Variants in GBE1 observed in about 807,000 individuals in gnomAD.
GBE1 encodes 1,4-alpha-glucan branching enzyme 1, also known as 1,4-alpha-glucan-branching enzyme.
Under a neutral mutation model 88.8 loss-of-function variants are expected in GBE1, and 70 were observed. The ratio of observed to expected loss-of-function variants is 0.79; its 90% CI spans 0.65 to 0.96. The LOEUF is 0.96. GBE1 is among the 40% of genes least tolerant of loss of function. GBE1 has a pLI of 0.00. For synonymous variants in GBE1, 284 were observed against 300.1 expected (o/e 0.95, Z 0.56); for missense variants, 872 against 871.0 (o/e 1.00, Z -0.01).
Position 81,519,777 on chromosome 3 carries a change from A to C in GBE1, c.1934+15418T>G, listed in dbSNP as rs540781169. On this transcript the variant is annotated intron_variant, in intron 14 of 15. Transcript: ENST00000429644. The stretch of plus-strand genomic sequence containing the variant: ...TTCTTCTTGTGGAAGATGGCAAACA[A>C]GATCACCAAGAAGAATTTCTGGGGA... 2.6e-5 allele frequency among the ~76,000 whole-genome samples: 4 copies of C among 151,622 alleles called. No individual in the cohort carries two copies. In the East Asian group the frequency reaches 7.8e-4, roughly 30 times the overall value.
chr3:81,621,134 C>T (rs1426929548), intron 7 of GBE1, among the ~76,000 whole-genome samples: 2 of 152,164 alleles, frequency 1.3e-5, no homozygotes, highest in African/African-American at 4.8e-5. Context: ...AAAGACACCA[C>T]TGAATGTTTT....
chr3:81,607,113 T>G (rs1416259449), intron 7 of GBE1, among the ~76,000 whole-genome samples: 1 of 152,196 alleles, frequency 6.6e-6, no homozygotes, highest in African/African-American at 2.4e-5. Flanking sequence ...AAAGAAAAAG[T>G]TGTTTAGACC....
chr3:81,622,953 C>T (rs536252187), intron 7 of GBE1, among the ~76,000 whole-genome samples: 1 of 152,294 alleles, frequency 6.6e-6, no homozygotes, highest in East Asian at 1.9e-4. Flanking sequence ...TATTGCAATA[C>T]AAATATCTTA....
intron 12 of GBE1, among the ~76,000 whole-genome samples, chr3:81,539,843 G>A (rs1471216125): frequency 6.6e-6 from 1 of 151,956 alleles, no homozygotes; most frequent in East Asian, 1.9e-4. Flanking sequence ...TTTAAGACAC[G>A]AAGGAAACAT....
At chr3:81,509,921 A>G (rs755117874) in intron 14 of GBE1, among the ~76,000 whole-genome samples, 3 of 152,022 alleles carry the variant, frequency 2.0e-5, no homozygotes, top group Non-Finnish European at 4.4e-5. Context: ...CATTTTGGAT[A>G]ATTTATAATA....
At chr3:81,530,187 T>C (rs1702994017) in intron 14 of GBE1, among the ~76,000 whole-genome samples, 1 of 151,922 alleles carries the variant, frequency 6.6e-6, no homozygotes, top group South Asian at 2.1e-4. Flanking sequence ...CATTTCAATC[T>C]CTCTGTTAAA....
At chr3:81,570,979 G>T (rs950854736) in intron 12 of GBE1, among the ~76,000 whole-genome samples, 1 of 152,070 alleles carries the variant, frequency 6.6e-6, no homozygotes, top group Non-Finnish European at 1.5e-5. Context: ...TTTAATAGTA[G>T]GAATTAGGCT....
chr3:81,626,653 A>G (rs1704420582), intron 7 of GBE1, among the ~76,000 whole-genome samples: 1 of 151,694 alleles, frequency 6.6e-6, no homozygotes, highest in South Asian at 2.1e-4. Flanking sequence ...GAGTGGCTAG[A>G]GCGTAGTAAG....
In GBE1 at chr3:81,535,323, G is replaced by T. The variant is rs1343991404; in HGVS notation, c.1806C>A (p.Ala602=). 6.2e-7 allele frequency: 1 copy of T among 1,600,620 alleles called. No homozygotes were observed. The highest frequency in any genetic ancestry group is 1.7e-5 in the Admixed American group (1 of 57,332). Residue 602 remains alanine, a splice_region_variant and synonymous_variant, in exon 14 of 16, where the codon GCC becomes GCA. Transcript: ENST00000429644. The part of the protein sequence containing the change: ...ERYGWLAAPQ[A]YVSEKHEGNK... ...TGCCTTCATGTTTTTCACTCACGTAGGCCTGCAAGAATTAGCACACATGTT... is the reference window on the plus strand; with the variant it reads ...TGCCTTCATGTTTTTCACTCACGTATGCCTGCAAGAATTAGCACACATGTT...
chr3:81,525,347 A>C (rs145201992), intron 14 of GBE1, among the ~76,000 whole-genome samples: 5,218 of 152,136 alleles, frequency 0.034, 126 homozygotes, highest in Non-Finnish European at 0.052. Flanking sequence ...TGATTTGCAT[A>C]TGTTGAACCA....
At chr3:81,586,057 T>C (rs762753910) in intron 10 of GBE1, 35 bp downstream of exon 10, 2 of 1,215,030 alleles carry the variant, frequency 1.6e-6, no homozygotes, top group Non-Finnish European at 2.4e-6. Flanking sequence ...AACACAGTAT[T>C]CACAGAAACA....
At chr3:81,587,051 C>T (rs1427503809) in intron 9 of GBE1, among the ~76,000 whole-genome samples, 1 of 152,092 alleles carries the variant, frequency 6.6e-6, no homozygotes, top group African/African-American at 2.4e-5. Context: ...GAACTCCCAT[C>T]TCGGCCTCCC....
At chr3:81,553,583 CT>C (rs34551400) in intron 12 of GBE1, among the ~76,000 whole-genome samples, 46,403 of 133,426 alleles carry the variant, frequency 0.35, 7,414 homozygotes, top group East Asian at 0.45. Context: ...TGGAAAATGT[CT>C]TTTTTTTTTT....
chr3:81,516,745 G>T (rs1702803381), intron 14 of GBE1, among the ~76,000 whole-genome samples: 1 of 151,504 alleles, frequency 6.6e-6, no homozygotes, highest in Non-Finnish European at 1.5e-5. Context: ...TAGGAGTTTG[G>T]AAGAAGTTAA....
At chr3:81,510,752 C>G (rs1420519980) in intron 14 of GBE1, among the ~76,000 whole-genome samples, 1 of 151,952 alleles carries the variant, frequency 6.6e-6, no homozygotes, top group Non-Finnish European at 1.5e-5. Context: ...AAAAAATAAG[C>G]AAAGGGAGTT....
intron 1 of GBE1, chr3:81,743,651 G>C: frequency 6.7e-7 from 1 of 1,497,234 alleles, no homozygotes; most frequent in South Asian, 1.2e-5. Context: ...AAAGGTCTAG[G>C]GCTATTAAAG....
intron 2 of GBE1, among the ~76,000 whole-genome samples, chr3:81,683,360 T>C (rs1705381763): frequency 6.6e-6 from 1 of 152,186 alleles, no homozygotes; most frequent in African/African-American, 2.4e-5. Flanking sequence ...GGAGATACCG[T>C]AAAGGAAAAG....
chr3:81,612,939 G>T, intron 7 of GBE1: 2 of 367,878 alleles, frequency 5.4e-6, no homozygotes, highest in South Asian at 5.0e-5. Flanking sequence ...AGGAGAAAAA[G>T]ATGATGATGA....
intron 7 of GBE1, among the ~76,000 whole-genome samples, chr3:81,595,790 T>G (rs1325594315): frequency 6.6e-6 from 1 of 151,954 alleles, no homozygotes; most frequent in East Asian, 1.9e-4. Context: ...GGAAATAAAC[T>G]GTGTTTAAAA....
Sources: gnomAD v4.1 joint callset for allele counts (sites outside exome capture counted in the v4.1 genomes callset) on GRCh38, gnomAD v4.1.1 for gene constraint, MANE v1.5 for transcripts, NCBI Gene and HGNC (gene_info 2026-07-23, HGNC 2026-07-21) for gene names.